Variants in ADGB observed in about 807,000 individuals in gnomAD.
ADGB encodes the protein androglobin.
In ADGB, 172 loss-of-function variants were observed where a neutral mutation model predicts 210.5. The ratio of observed to expected loss-of-function variants is 0.82; its 90% CI spans 0.72 to 0.93. The LOEUF is 0.93. Among genes scored for constraint, ADGB ranks in the 40% least tolerant of loss-of-function variants. The probability of loss-of-function intolerance (pLI) is 0.00; values close to 1 mark genes in which losing one functional copy is unlikely to be tolerated. For synonymous variants in ADGB, 658 were observed against 662.7 expected, an observed-to-expected ratio of 0.99 and a Z score of 0.11; for missense variants, 2,025 against 1,964.8, an observed-to-expected ratio of 1.03 and a Z score of -0.58.
intron 35 of ADGB, chr6:146,807,680 G>A (rs1188546750): frequency 6.2e-6 from 6 of 969,798 alleles, no homozygotes; most frequent in African/African-American, 3.4e-5. Flanking sequence ...TGGGCCAACT[G>A]AAAATAGAAA....
chr6:146,719,412 T>G (rs1776784322), intron 16 of ADGB, among the ~76,000 whole-genome samples: 1 of 150,780 alleles, frequency 6.6e-6, no homozygotes, highest in Non-Finnish European at 1.5e-5. Flanking sequence ...GAAATAAAAT[T>G]ATGACATTCC....
intron 19 of ADGB, among the ~76,000 whole-genome samples, chr6:146,727,148 A>C (rs567172792): frequency 1.3e-5 from 2 of 151,126 alleles, no homozygotes; most frequent in African/African-American, 4.9e-5. Context: ...ATAATTCCTG[A>C]TGCTTTCTCA....
chr6:146,688,517 G>A (rs1327887062), intron 10 of ADGB, among the ~76,000 whole-genome samples: 1 of 152,104 alleles, frequency 6.6e-6, no homozygotes, highest in Non-Finnish European at 1.5e-5. Context: ...ATCATAAGGG[G>A]AGAAGACTTA....
Position 146,685,772 on chromosome 6 carries a change from G to A in ADGB, c.1255G>A (p.Ala419Thr). ...AIQTSHMVVY[A>T]TFTPLYLFEN... Reference sequence around the variant, plus strand: ...ACAGACCTCTCATATGGTCGTATATGCGACATTTACACCTCTTTATTTGTT... The same window carrying A: ...ACAGACCTCTCATATGGTCGTATATACGACATTTACACCTCTTTATTTGTT... Residue 419 changes from alanine (A) to threonine (T), a missense_variant, in exon 10 of 36, where the codon GCG (alanine) becomes ACG (threonine). By Grantham distance (58) the Ala-to-Thr change is moderately conservative. Transcript: ENST00000397944. 1 of 1,541,810 alleles carries A rather than the reference G, an allele frequency of 6.5e-7. No homozygotes were observed. The highest frequency in any genetic ancestry group is 8.7e-7 in the Non-Finnish European group (1 of 1,142,882).
At chr6:146,636,361 T>C (rs1207556164) in intron 2 of ADGB, among the ~76,000 whole-genome samples, 1 of 152,058 alleles carries the variant, frequency 6.6e-6, no homozygotes, top group Non-Finnish European at 1.5e-5. Flanking sequence ...ACAAATTGCA[T>C]GATTCATATT....
chr6:146,631,179 G>T (rs1250995718), intron 1 of ADGB, among the ~76,000 whole-genome samples: 1 of 152,134 alleles, frequency 6.6e-6, no homozygotes, highest in East Asian at 1.9e-4. Flanking sequence ...CAGTATAATT[G>T]CACTCTTTAT....
In ADGB at chr6:146,676,312, G is replaced by A; in HGVS notation, c.1088-1G>A. The A allele has an allele frequency of 2.6e-6, 4 of 1,540,720 alleles. No individual in the cohort carries two copies. Among genetic ancestry groups the A allele is most frequent in the Non-Finnish European group, 8.8e-7 (1 of 1,142,442 alleles). On this transcript the variant is annotated splice_acceptor_variant, in intron 8 of 35. Transcript: ENST00000397944. LOFTEE classifies it high-confidence loss of function. ...TTTATTGTGATTTTTTCATATGTTA[G>A]AGAAAGCAGATGCAAGAGACATTGG...
chr6:146,784,674 G>T lies in ADGB; in HGVS notation c.4092G>T (p.Arg1364Ser), dbSNP rs989023731. 22 of 1,551,320 alleles carry T rather than the reference G, an allele frequency of 1.4e-5. No individual in the cohort carries two copies. Among genetic ancestry groups the T allele is most frequent in the Non-Finnish European group, 1.9e-5 (22 of 1,146,732 alleles). The change falls in exon 31 of 36, where the codon AGG becomes AGT. Residue 1364 changes from arginine (R) to serine (S), a missense_variant. Transcript: ENST00000397944. ...EDPNKPYWIL[R>S]LVTEHNESEL... The stretch of plus-strand genomic sequence containing the variant: ...CAAATAAACCCTACTGGATTTTGAG[G>T]TTGGTCACTGAACACAATGAATCAG...
At chr6:146,627,317 T>C (rs1026620670) in intron 1 of ADGB, among the ~76,000 whole-genome samples, 2 of 152,182 alleles carry the variant, frequency 1.3e-5, no homozygotes, top group African/African-American at 4.8e-5. Context: ...TATTTTTTTA[T>C]GCCTGGTAAT....
intron 13 of ADGB, among the ~76,000 whole-genome samples, chr6:146,706,634 A>G (rs1228813608): frequency 1.3e-5 from 2 of 152,090 alleles, no homozygotes; most frequent in African/African-American, 2.4e-5. Flanking sequence ...AACTTGTATA[A>G]TATGTCTAGA....
intron 16 of ADGB, among the ~76,000 whole-genome samples, chr6:146,719,606 T>A (rs1776786899): frequency 6.6e-6 from 1 of 152,204 alleles, no homozygotes; most frequent in Non-Finnish European, 1.5e-5. Flanking sequence ...AGGCCTGTCC[T>A]CAGCACAATC....
intron 9 of ADGB, among the ~76,000 whole-genome samples, chr6:146,684,954 T>C (rs1199783832): frequency 3.3e-5 from 5 of 152,086 alleles, no homozygotes; most frequent in African/African-American, 4.8e-5. Context: ...TCTAGACATA[T>C]ACTGGGCTGA....
At chr6:146,742,023 CTA>C (rs1342212285) in intron 25 of ADGB, among the ~76,000 whole-genome samples, 15 of 152,184 alleles carry the variant, frequency 9.9e-5, no homozygotes, top group Admixed American at 6.5e-5. Flanking sequence ...GCCTATGATT[CTA>C]TACATTATTT....
chr6:146,681,812 G>T (rs993152742), intron 9 of ADGB, among the ~76,000 whole-genome samples: 5 of 152,020 alleles, frequency 3.3e-5, no homozygotes, highest in African/African-American at 9.7e-5. Flanking sequence ...GAACACATTC[G>T]AGTCATTATC....
intron 13 of ADGB, among the ~76,000 whole-genome samples, chr6:146,705,802 G>A (rs1562279104): frequency 6.6e-6 from 1 of 152,106 alleles, no homozygotes. Context: ...TAATTAGTTT[G>A]AAATTATTCT....
chr6:146,735,970 C>T (rs918532606), intron 22 of ADGB, among the ~76,000 whole-genome samples: 2 of 152,020 alleles, frequency 1.3e-5, no homozygotes, highest in African/African-American at 4.8e-5. Context: ...CTGGTAAATA[C>T]TATGAAGAAA....
rs1342644190 is a variant in ADGB at position 146,782,046 on chromosome 6, A to C, written c.3889A>C (p.Ile1297Leu). ...KAYGERHEEL[I>L]NLGSPDSHTI... is the part of the protein sequence containing the mutation. Reference sequence around the variant, plus strand: ...TTATGGTGAAAGACACGAGGAGTTAATTAACTTAGGAAGCCCAGACTCCCA... The same window carrying C: ...TTATGGTGAAAGACACGAGGAGTTACTTAACTTAGGAAGCCCAGACTCCCA... Residue 1297 changes from isoleucine (I) to leucine (L), a missense_variant, in exon 30 of 36, where the codon ATT becomes CTT. Transcript: ENST00000397944. The C allele has an allele frequency of 1.3e-6, 2 of 1,509,432 alleles. No homozygotes were observed. The highest frequency in any genetic ancestry group is 8.8e-7 in the Non-Finnish European group (1 of 1,133,614). 93.5% of individuals were successfully genotyped at this position (1,509,432 alleles called of 1,614,324 possible).
chr6:146,641,161 A>G (rs2114865623), intron 2 of ADGB, among the ~76,000 whole-genome samples: 1 of 152,090 alleles, frequency 6.6e-6, no homozygotes, highest in Middle Eastern at 3.4e-3. Flanking sequence ...TCCATTCACA[A>G]TTGCCACAAA....
intron 29 of ADGB, among the ~76,000 whole-genome samples, chr6:146,770,271 T>C (rs1777631561): frequency 6.6e-6 from 1 of 152,224 alleles, no homozygotes; most frequent in African/African-American, 2.4e-5. Flanking sequence ...AAAAGGTTTG[T>C]GTGTACAGAA....
Sources: allele counts gnomAD v4.1 joint callset (sites outside exome capture counted in the v4.1 genomes callset), GRCh38; gene constraint gnomAD v4.1.1; transcripts MANE v1.5; gene names NCBI Gene and HGNC (gene_info 2026-07-23, HGNC 2026-07-21).